TONSL: variants seen among roughly 807,000 people sequenced by gnomAD.
TONSL encodes the protein tonsoku like, DNA repair protein, also known as tonsoku-like protein.
TONSL carries 112 observed loss-of-function variants against 147.1 expected under a neutral mutation model. That is an observed-to-expected ratio of 0.76 (90% CI 0.65 to 0.89). The LOEUF is 0.89. Among genes scored for constraint, TONSL ranks in the 40% least tolerant of loss-of-function variants. The pLI, the probability that TONSL is intolerant of heterozygous loss-of-function variation, is 0.00. For missense variants in TONSL, 1,883 were observed against 1,864.6 expected (o/e 1.01, Z -0.18); for synonymous variants, 868 against 801.5 (o/e 1.08, Z -1.40).
In TONSL at chr8:144,429,257, G is replaced by A. The variant is rs1554878058; in HGVS notation, c.4023C>T (p.Ser1341=). ...CCCTGTCCTCAGCGCAGAGGCGTCTGCTGCACAGCTGCAGTTCCCGGAGCT... is the reference window on the plus strand; with the variant it reads ...CCCTGTCCTCAGCGCAGAGGCGTCTACTGCACAGCTGCAGTTCCCGGAGCT... The part of the protein sequence containing the change: ...AAQLRELQLC[S]RRLCAEDRDA... The change falls in exon 26 of 26, where the codon AGC becomes AGT. Residue 1341 remains serine, a synonymous_variant. Transcript: ENST00000409379. 2.6e-6 allele frequency: 4 copies of A among 1,523,474 alleles called. No homozygotes were observed. Among genetic ancestry groups the A allele is most frequent in the Admixed American group, 2.0e-5 (1 of 49,942 alleles). The allele number at this position is 1,523,474 out of a possible 1,614,324, so 94.4% of individuals were successfully genotyped here.
At chr8:144,438,824 G>T in intron 11 of TONSL, 89 bp from the exon 12 acceptor site, 1 of 1,380,408 alleles carries the variant, frequency 7.2e-7, no homozygotes. Flanking sequence ...CAAACTCCCA[G>T]GTACAAAGGA....
rs1036756016 is a variant in TONSL at position 144,439,827 on chromosome 8, G to A, written c.1480+194C>T. 7 of 552,724 alleles carry A rather than the reference G, an allele frequency of 1.3e-5. No individual in the cohort carries two copies. The African/African-American group carries it at 1.4e-4, about 11-fold the overall frequency. The allele number at this position is 552,724 out of a possible 1,614,324, so 34.2% of individuals were successfully genotyped here. On this transcript the variant is annotated intron_variant, in intron 11 of 25. Coordinates refer to ENST00000409379, the MANE Select transcript of TONSL (RefSeq NM_013432.5). ...CGACTCCCAACCACTGTCTCCTCCA[G>A]GAGGCCAAGGCCGCCCCAGGCTCCC...
Position 144,436,859 on chromosome 8 carries a change from G to C in TONSL, c.1788C>G (p.Cys596Trp). 6.2e-7 allele frequency: 1 copy of C among 1,610,072 alleles called. No homozygotes were observed. The highest frequency in any genetic ancestry group is 8.5e-7 in the Non-Finnish European group (1 of 1,179,866). Residue 596 changes from cysteine to tryptophan, a missense_variant, in exon 15 of 26, where the codon TGC becomes TGG. By Grantham distance (215) the Cys-to-Trp change is radical (BLOSUM62 -2). Coordinates refer to ENST00000409379, the MANE Select transcript of TONSL (RefSeq NM_013432.5). The part of the protein sequence containing the change: ...AAVDDPGGQG[C>W]EGITPLHDAL... ...CATCGTGGAGGGGGGTGATGCCTTC[G>C]CAGCCCTGGCCACCTGGGTCGTCCA...
In TONSL at chr8:144,428,846, G is replaced by T; in HGVS notation, c.*297C>A. ...GGTCTGTCGCCCAGGCTGGAGTGCAGTGGTGCGATCTCGGCTCACTGCAAG... is the reference window on the plus strand; with the variant it reads ...GGTCTGTCGCCCAGGCTGGAGTGCATTGGTGCGATCTCGGCTCACTGCAAG... On this transcript the variant is annotated 3_prime_UTR_variant, in exon 26 of 26. Transcript: ENST00000409379. 1 of 271,944 alleles carries T rather than the reference G, an allele frequency of 3.7e-6. No individual in the cohort carries two copies. The highest frequency in any genetic ancestry group is 6.9e-6 in the Non-Finnish European group (1 of 144,122). The allele number at this position is 271,944 out of a possible 1,614,324, so 16.8% of individuals were successfully genotyped here.
rs200025720 is a variant in TONSL, at chr8:144,435,672, C to T, written c.2761G>A (p.Ala921Thr). The change falls in exon 17 of 26, where the codon GCA becomes ACA. Residue 921 changes from alanine to threonine, a missense_variant. Transcript: ENST00000409379. ...VSEPSGDSSA[A>T]GQPLGPAPPP... ...TGCATACCCACCAAGGGCTGGCCTG[C>T]CGCAGAGCTGTCCCCACTGGGCTCT... is the stretch of plus-strand genomic sequence containing the variant. 3 of 1,603,652 alleles carry T rather than the reference C, an allele frequency of 1.9e-6. No individual in the cohort carries two copies. Among genetic ancestry groups the T allele is most frequent in the South Asian group, 2.2e-5 (2 of 90,708 alleles).
At position 144,435,977 on chromosome 8, in the gene TONSL, G is replaced by T. The variant is rs760550132; in HGVS notation, c.2456C>A (p.Ala819Asp). ...CTCCGGGATGAGCGCTGCCTGGGGG[G>T]CAAGGGCTTTGCTGTGGCCCCGCGG... ...GPPRGHSKAL[A>D]PQAALIPEEE... The change falls in exon 17 of 26, where the codon GCC (alanine) becomes GAC (aspartate). Residue 819 changes from alanine (A) to aspartate (D), a missense_variant. Transcript: ENST00000409379. 3.1e-5 allele frequency: 48 copies of T among 1,554,922 alleles called. No individual in the cohort carries two copies. The highest frequency in any genetic ancestry group is 3.9e-5 in the Non-Finnish European group (45 of 1,151,414).
rs555600105 is a variant in TONSL at position 144,436,858 on chromosome 8, C to T, written c.1789G>A (p.Glu597Lys). 2.2e-5 allele frequency: 35 copies of T among 1,610,296 alleles called. No individual in the cohort carries two copies. Among genetic ancestry groups the T allele is most frequent in the East Asian group, 4.5e-5 (2 of 44,878 alleles). Residue 597 changes from glutamate (E) to lysine (K), a missense_variant, in exon 15 of 26, where the codon GAA becomes AAA. By Grantham distance (56) the Glu-to-Lys change is moderately conservative. Coordinates refer to ENST00000409379, the MANE Select transcript of TONSL (RefSeq NM_013432.5). ...AVDDPGGQGC[E>K]GITPLHDALN... is the part of the protein sequence containing the mutation. ...GCATCGTGGAGGGGGGTGATGCCTT[C>T]GCAGCCCTGGCCACCTGGGTCGTCC... is the stretch of plus-strand genomic sequence containing the variant.
At chr8:144,430,943 G>A (rs1823161817) in intron 24 of TONSL, 135 bp downstream of exon 24, 1 of 1,031,030 alleles carries the variant, frequency 9.7e-7, no homozygotes, top group Admixed American at 2.1e-5. Flanking sequence ...AGAGGCTGGT[G>A]GAAACCGAAG....
rs1823676736 is a variant in TONSL, at chr8:144,440,631, A to G, written c.1164+87T>C. ...GGAAGGAGCTGCCCGTCCAGTAAGGACACCTGTCCATGGCCACCCTGAGAA... is the reference window on the plus strand; with the variant it reads ...GGAAGGAGCTGCCCGTCCAGTAAGGGCACCTGTCCATGGCCACCCTGAGAA... On this transcript the variant is annotated intron_variant, in intron 9 of 25. Coordinates refer to ENST00000409379, the MANE Select transcript of TONSL (RefSeq NM_013432.5). 5.8e-6 allele frequency: 9 copies of G among 1,542,980 alleles called. No individual in the cohort carries two copies. In the South Asian group the frequency reaches 9.8e-5, roughly 17 times the overall value.
Position 144,436,203 on chromosome 8 carries a change from A to AGCTGCT in TONSL, c.2224_2229dup (p.Ser743_Ser744dup). The stretch of plus-strand genomic sequence containing the variant: ...GGGCCTGCGCTGTCCTCGCCTTCTG[A>AGCTGCT]GCTGCTGCTGCTGCTGGCTGGCCCA... On this transcript the variant is annotated inframe_insertion, in exon 17 of 26. Coordinates refer to ENST00000409379, the MANE Select transcript of TONSL (RefSeq NM_013432.5). The AGCTGCT allele has an allele frequency of 2.6e-6, 4 of 1,568,266 alleles. No homozygotes were observed. Among genetic ancestry groups the AGCTGCT allele is most frequent in the Non-Finnish European group, 3.4e-6 (4 of 1,160,026 alleles).
At chr8:144,440,652 G>C in intron 9 of TONSL, 66 bp downstream of exon 9, 1 of 1,564,016 alleles carries the variant, frequency 6.4e-7, no homozygotes, top group Non-Finnish European at 8.7e-7. Context: ...TGGCCACCCT[G>C]AGAACGGCAG....
chr8:144,440,759 A>G lies in TONSL; in HGVS notation c.1123T>C (p.Tyr375His), dbSNP rs929628458. 1 of 1,612,738 alleles carries G rather than the reference A, an allele frequency of 6.2e-7. No homozygotes were observed. Among genetic ancestry groups the G allele is most frequent in the South Asian group, 1.1e-5 (1 of 91,088 alleles). The change falls in exon 9 of 26, where the codon TAT becomes CAT. Residue 375 changes from tyrosine (Y) to histidine (H), a missense_variant. Tyr to His is a moderately conservative substitution (Grantham distance 83, BLOSUM62 2). Transcript: ENST00000409379. ...CTGCGCAGCCTCAGTTCCTCCTCATAGTGGCGCACGGCCCCATGGTGGTCC... is the reference window on the plus strand; with the variant it reads ...CTGCGCAGCCTCAGTTCCTCCTCATGGTGGCGCACGGCCCCATGGTGGTCC... ...MKDHHGAVRH[Y>H]EEELRLRSGN...
intron 25 of TONSL, among the ~76,000 whole-genome samples, chr8:144,429,599 A>T (rs531546588): frequency 8.5e-5 from 13 of 152,194 alleles, no homozygotes; most frequent in Non-Finnish European, 1.8e-4. Context: ...CCTACACGTC[A>T]GTCTCCCCAC....
At chr8:144,443,373 C>A (rs536040426) in intron 3 of TONSL, 52 bp from the exon 4 acceptor site, 4 of 1,495,870 alleles carry the variant, frequency 2.7e-6, no homozygotes, top group Admixed American at 2.0e-5. Context: ...TCAAGCAAAC[C>A]GGCACCGCCA....
At chr8:144,439,866 C>G in intron 11 of TONSL, 155 bp downstream of exon 11, 1 of 571,514 alleles carries the variant, frequency 1.7e-6, no homozygotes, top group East Asian at 3.1e-5. Context: ...GGGTCACCAC[C>G]TTCTCTGTCC....
In TONSL at chr8:144,432,205, A is replaced by G. The variant is rs117960024; in HGVS notation, c.3735+80T>C. 10,918 of 1,456,804 alleles carry G rather than the reference A, an allele frequency of 7.5e-3. 48 individuals carry two copies. Among genetic ancestry groups the G allele is most frequent in the Non-Finnish European group, 9.2e-3 (9,772 of 1,058,602 alleles). The allele number at this position is 1,456,804 out of a possible 1,614,324, so 90.2% of individuals were successfully genotyped here. A position where few individuals can be genotyped will look rare whatever the true frequency, so the allele number is the denominator to read the frequency against. On this transcript the variant is annotated intron_variant, in intron 23 of 25. Transcript: ENST00000409379. ...CAGCGAGTTCAGCCCGAATCTGGGGAGAGGCGAGCTCCTCCCAGCAACCCT... is the reference window on the plus strand; with the variant it reads ...CAGCGAGTTCAGCCCGAATCTGGGGGGAGGCGAGCTCCTCCCAGCAACCCT...
At chr8:144,441,344 G>A in intron 7 of TONSL, 1 of 557,782 alleles carries the variant, frequency 1.8e-6, no homozygotes, top group South Asian at 2.5e-5. Context: ...TGTAATCCTA[G>A]GACTTTGGGA....
intron 11 of TONSL, among the ~76,000 whole-genome samples, chr8:144,438,970 A>C (rs1442539103): frequency 6.6e-6 from 1 of 151,968 alleles, no homozygotes; most frequent in Admixed American, 6.5e-5. Context: ...CCCACTTGAG[A>C]CACACCCCTG....
chr8:144,444,290 G>A lies in TONSL; in HGVS notation c.26-15C>T. 1 of 1,397,756 alleles carries A rather than the reference G, an allele frequency of 7.2e-7. No individual in the cohort carries two copies. The highest frequency in any genetic ancestry group is 9.3e-7 in the Non-Finnish European group (1 of 1,071,324). 86.6% of individuals were successfully genotyped at this position (1,397,756 alleles called of 1,614,324 possible). On this transcript the variant is annotated splice_polypyrimidine_tract_variant and intron_variant, in intron 1 of 25. Coordinates refer to ENST00000409379, the MANE Select transcript of TONSL (RefSeq NM_013432.5). The stretch of plus-strand genomic sequence containing the variant: ...CTTGCTCAGCTCTGTGGGAGGAAGA[G>A]GAGGGCTGGGCCTCCGCGGCGGGGT...
Sources: gnomAD v4.1 joint callset for allele counts (sites outside exome capture counted in the v4.1 genomes callset) on GRCh38, gnomAD v4.1.1 for gene constraint, MANE v1.5 for transcripts, NCBI Gene and HGNC (gene_info 2026-07-23, HGNC 2026-07-21) for gene names.